Variants in ABCB5 observed in about 807,000 individuals in gnomAD.
ABCB5 encodes the protein ATP binding cassette subfamily B member 5, also known as ATP-binding cassette sub-family B member 5.
A neutral mutation model predicts 144.2 loss-of-function variants in ABCB5; 155 were observed. The ratio of observed to expected loss-of-function variants is 1.08; its 90% CI spans 0.94 to 1.23. The LOEUF is 1.23. Ranked by LOEUF, ABCB5 falls within the 50% of genes most tolerant of loss-of-function variation. ABCB5 has a pLI of 0.00. For missense variants in ABCB5, 1,830 were observed against 1,520.8 expected (o/e 1.20, Z -3.38); for synonymous variants, 610 against 528.6 (o/e 1.15, Z -2.11).
At chr7:20,741,985 T>C (rs1306764929) in intron 24 of ABCB5, among the ~76,000 whole-genome samples, 1 of 149,922 alleles carries the variant, frequency 6.7e-6, no homozygotes, top group Non-Finnish European at 1.5e-5. Flanking sequence ...TGTAGATGAG[T>C]ATTGGTTTAG....
At chr7:20,683,459 A>AT (rs1437191084) in intron 15 of ABCB5, among the ~76,000 whole-genome samples, 1 of 152,134 alleles carries the variant, frequency 6.6e-6, no homozygotes, top group Non-Finnish European at 1.5e-5. Flanking sequence ...CTATTTTAAG[A>AT]TTTTTTAAAC....
intron 14 of ABCB5, chr7:20,660,351 T>C (rs996868121): frequency 1.4e-5 from 14 of 985,386 alleles, no homozygotes; most frequent in Admixed American, 6.1e-5. Context: ...GTCCCTGTTT[T>C]TCAGTTGTTT....
intron 14 of ABCB5, among the ~76,000 whole-genome samples, chr7:20,681,053 TC>T: frequency 3.0e-5 from 2 of 67,032 alleles, no homozygotes; most frequent in African/African-American, 1.4e-4. Flanking sequence ...TCTTTCTCTC[TC>T]TCTCTCTTTC....
intron 11 of ABCB5, among the ~76,000 whole-genome samples, chr7:20,649,108 G>A (rs1016092067): frequency 6.6e-6 from 1 of 152,066 alleles, no homozygotes; most frequent in South Asian, 2.1e-4. Context: ...TTTTGGGGGG[G>A]TCCACCTATT....
chr7:20,624,563 C>T (rs868406516), intron 2 of ABCB5, among the ~76,000 whole-genome samples: 2 of 151,994 alleles, frequency 1.3e-5, no homozygotes, highest in African/African-American at 2.4e-5. Flanking sequence ...AAAATAGCAA[C>T]AGGAATTGAA....
intron 7 of ABCB5, among the ~76,000 whole-genome samples, chr7:20,643,928 C>T (rs942437946): frequency 6.6e-6 from 1 of 152,200 alleles, no homozygotes; most frequent in South Asian, 2.1e-4. Context: ...TGTCCTTATA[C>T]ATGTGATGTT....
At chr7:20,665,784 C>G (rs1189167813) in intron 14 of ABCB5, among the ~76,000 whole-genome samples, 2 of 150,628 alleles carry the variant, frequency 1.3e-5, no homozygotes, top group Non-Finnish European at 3.0e-5. Context: ...TACATACATA[C>G]ATACATACAT....
intron 20 of ABCB5, 126 bp from the exon 21 acceptor site, chr7:20,722,890 A>G (rs1781918080): frequency 1.5e-6 from 1 of 684,690 alleles, no homozygotes; most frequent in Non-Finnish European, 2.4e-6. Context: ...TATAAATTCA[A>G]GGCATAAATT....
chr7:20,680,999 TTTCTTTCTTTCTTTC>T (rs1291561291), intron 14 of ABCB5, among the ~76,000 whole-genome samples: 7 of 7,806 alleles, frequency 9.0e-4, no homozygotes, highest in African/African-American at 5.5e-3. Flanking sequence ...TCTTTCTTTC[TTTCTTTCTTTCTTTC>T]TTTCTTTCTT....
intron 16 of ABCB5, among the ~76,000 whole-genome samples, chr7:20,693,700 T>C (rs1168131453): frequency 6.6e-6 from 1 of 150,488 alleles, no homozygotes; most frequent in African/African-American, 2.4e-5. Flanking sequence ...AGGAAGAAAA[T>C]AACAAAGAAA....
intron 16 of ABCB5, among the ~76,000 whole-genome samples, chr7:20,693,400 T>C (rs549153078): frequency 2.0e-5 from 3 of 152,146 alleles, no homozygotes; most frequent in African/African-American, 4.8e-5. Flanking sequence ...ATGCAAAGTA[T>C]ATTACCTGAC....
At position 20,723,185 on chromosome 7, in the gene ABCB5, A is replaced by G. The variant is rs142139713; in HGVS notation, c.2591A>G (p.Asn864Ser). 1.3e-4 allele frequency: 203 copies of G among 1,614,090 alleles called. No individual in the cohort carries two copies. Among genetic ancestry groups the G allele is most frequent in the Non-Finnish European group, 1.7e-4 (195 of 1,180,046 alleles). ...IETAAMTGFA[N>S]KDKQELKHAG... ...ACCGCAGCAATGACTGGATTTGCCA[A>G]CAAAGATAAGCAAGAACTTAAGCAT... The change falls in exon 21 of 28, where the codon AAC (asparagine) becomes AGC (serine). Residue 864 changes from asparagine (N) to serine (S), a missense_variant. Asn to Ser is a conservative substitution (Grantham distance 46, BLOSUM62 1). Coordinates refer to ENST00000404938, the MANE Select transcript of ABCB5 (RefSeq NM_001163941.2).
chr7:20,739,669 G>A lies in ABCB5; in HGVS notation c.3024+530G>A, dbSNP rs866984059. 3.9e-5 allele frequency among the ~76,000 whole-genome samples: 6 copies of A among 152,062 alleles called. No homozygotes were observed. In the South Asian group the frequency reaches 1.2e-3, roughly 32 times the overall value. On this transcript the variant is annotated intron_variant, in intron 24 of 27. Transcript: ENST00000404938. ...TGATTCTTATACTGAATTCTACTGA[G>A]AAACTAAAGTTTTGATCTTGGATGA...
At chr7:20,675,371 G>A (rs181128747) in intron 14 of ABCB5, among the ~76,000 whole-genome samples, 10 of 152,046 alleles carry the variant, frequency 6.6e-5, no homozygotes, top group African/African-American at 2.2e-4. Context: ...TTTGACAAGG[G>A]TGCAAAGAGT....
At chr7:20,634,990 G>T (rs183858367) in intron 5 of ABCB5, among the ~76,000 whole-genome samples, 3 of 151,868 alleles carry the variant, frequency 2.0e-5, no homozygotes, top group Admixed American at 2.0e-4. Flanking sequence ...GCCAATGTCC[G>T]GAAGAGTTTG....
At chr7:20,694,484 C>T (rs972142153) in intron 16 of ABCB5, among the ~76,000 whole-genome samples, 2 of 151,996 alleles carry the variant, frequency 1.3e-5, no homozygotes, top group African/African-American at 4.8e-5. Flanking sequence ...TAAAAGGCAG[C>T]TACAAAAAAC....
At chr7:20,747,562 C>T (rs1302187665) in intron 26 of ABCB5, among the ~76,000 whole-genome samples, 1 of 152,124 alleles carries the variant, frequency 6.6e-6, no homozygotes, top group Non-Finnish European at 1.5e-5. Context: ...TCTGGCCTAA[C>T]TTTTATTCTT....
intron 14 of ABCB5, among the ~76,000 whole-genome samples, chr7:20,674,977 T>C (rs1785558519): frequency 6.6e-6 from 1 of 151,888 alleles, no homozygotes; most frequent in African/African-American, 2.4e-5. Flanking sequence ...CTGAAAACTA[T>C]AACCATTGAT....
Position 20,676,734 on chromosome 7 carries a change from A to C in ABCB5, c.1708-4771A>C, listed in dbSNP as rs2128037492. Among the ~76,000 whole-genome samples, 3 of 152,328 alleles carry C rather than the reference A, an allele frequency of 2.0e-5. No homozygotes were observed. In the South Asian group the frequency reaches 6.2e-4, roughly 32 times the overall value. On this transcript the variant is annotated intron_variant, in intron 14 of 27. Transcript: ENST00000404938. ...ATTGTACACTTAAAATTTTAAGAGG[A>C]TAGATCTCATGTGAAGTGTTCTTAC...
Sources: allele counts gnomAD v4.1 joint callset (sites outside exome capture counted in the v4.1 genomes callset), GRCh38; gene constraint gnomAD v4.1.1; transcripts MANE v1.5; gene names NCBI Gene and HGNC (gene_info 2026-07-23, HGNC 2026-07-21).